Variants in PRKCZ observed in about 807,000 individuals in gnomAD.
PRKCZ encodes the protein protein kinase C zeta.
In PRKCZ, 33 loss-of-function variants were observed where a neutral mutation model predicts 79.5. That is an observed-to-expected ratio of 0.41 (90% CI 0.31 to 0.55). The LOEUF (loss-of-function observed/expected upper bound fraction) is 0.55. Among genes scored for constraint, PRKCZ ranks in the 20% least tolerant of loss-of-function variants. PRKCZ has a pLI of 0.19. For synonymous variants in PRKCZ, 342 were observed against 320.9 expected (o/e 1.07, Z -0.70); for missense variants, 578 against 813.5 (o/e 0.71, Z 3.52).
intron 4 of PRKCZ, among the ~76,000 whole-genome samples, chr1:2,086,723 C>G (rs1021830681): frequency 3.3e-5 from 5 of 152,222 alleles, no homozygotes; most frequent in Non-Finnish European, 4.4e-5. Flanking sequence ...ATTCGATGTG[C>G]AGTTCCCGCG....
At chr1:2,126,407 G>C (rs1452840141) in intron 4 of PRKCZ, among the ~76,000 whole-genome samples, 1 of 152,044 alleles carries the variant, frequency 6.6e-6, no homozygotes, top group African/African-American at 2.4e-5. Context: ...CCCCCATCAC[G>C]TGTCCAGAGG....
intron 4 of PRKCZ, among the ~76,000 whole-genome samples, chr1:2,091,812 G>A (rs1665552216): frequency 6.6e-6 from 1 of 152,208 alleles, no homozygotes; most frequent in African/African-American, 2.4e-5. Flanking sequence ...GAGCAGCAGG[G>A]GGCGTCCGAG....
At chr1:2,117,687 G>A (rs574208137) in intron 4 of PRKCZ, among the ~76,000 whole-genome samples, 8 of 152,256 alleles carry the variant, frequency 5.3e-5, no homozygotes, top group African/African-American at 1.7e-4. Context: ...TTTTTCCTTC[G>A]TAAATCCCCA....
intron 10 of PRKCZ, chr1:2,156,583 C>A: frequency 6.0e-6 from 1 of 167,726 alleles, no homozygotes; most frequent in Non-Finnish European, 1.3e-5. Context: ...TGCATTGAGT[C>A]CTCAAGACCA....
intron 4 of PRKCZ, among the ~76,000 whole-genome samples, chr1:2,098,769 C>A (rs1242190217): frequency 6.6e-6 from 1 of 152,144 alleles, no homozygotes; most frequent in Admixed American, 6.5e-5. Flanking sequence ...GCGAGCTCCA[C>A]CTCTCGGGTT....
chr1:2,055,335 GA>G, intron 1 of PRKCZ, 105 bp from the exon 2 acceptor site: 1 of 1,382,086 alleles, frequency 7.2e-7, no homozygotes, highest in Non-Finnish European at 9.7e-7. Context: ...TGTCTTTGGG[GA>G]AAGTTTCATT....
At chr1:2,158,825 C>G (rs955151443) in intron 10 of PRKCZ, among the ~76,000 whole-genome samples, 1 of 152,210 alleles carries the variant, frequency 6.6e-6, no homozygotes, top group African/African-American at 2.4e-5. Context: ...GAATTGTCGT[C>G]TGTGGGGTGT....
chr1:2,139,180 G>A (rs752452527), intron 5 of PRKCZ, among the ~76,000 whole-genome samples: 9 of 152,208 alleles, frequency 5.9e-5, no homozygotes, highest in Non-Finnish European at 1.0e-4. Flanking sequence ...CTGAGAACCG[G>A]TGTGAATGGT....
At chr1:2,070,801 G>A (rs542084454) in intron 4 of PRKCZ, among the ~76,000 whole-genome samples, 24 of 150,904 alleles carry the variant, frequency 1.6e-4, no homozygotes, top group Admixed American at 2.0e-4. Flanking sequence ...GACAGTCCTC[G>A]GCTGCGGGGG....
intron 10 of PRKCZ, among the ~76,000 whole-genome samples, chr1:2,163,301 G>A (rs1013788610): frequency 2.0e-5 from 3 of 152,230 alleles, no homozygotes; most frequent in African/African-American, 7.2e-5. Flanking sequence ...CAGGGGCTCT[G>A]CCTGCAGCCG....
chr1:2,079,353 G>A (rs1188660336), intron 4 of PRKCZ, among the ~76,000 whole-genome samples: 1 of 152,192 alleles, frequency 6.6e-6, no homozygotes, highest in Non-Finnish European at 1.5e-5. Context: ...CTTTGTTCTG[G>A]GTAAAGATTA....
intron 9 of PRKCZ, among the ~76,000 whole-genome samples, chr1:2,154,318 G>A (rs1680509121): frequency 6.6e-6 from 1 of 152,174 alleles, no homozygotes; most frequent in South Asian, 2.1e-4. Flanking sequence ...AGGCCGGGCT[G>A]GGAGCTCTCG....
chr1:2,115,284 T>A (rs1390863236), intron 4 of PRKCZ, among the ~76,000 whole-genome samples: 1 of 152,238 alleles, frequency 6.6e-6, no homozygotes, highest in East Asian at 1.9e-4. Flanking sequence ...TCCACCCTCA[T>A]CTTGCGAGGC....
chr1:2,161,791 G>A (rs567621232), intron 10 of PRKCZ, among the ~76,000 whole-genome samples: 2 of 152,072 alleles, frequency 1.3e-5, no homozygotes, highest in African/African-American at 2.4e-5. Flanking sequence ...ATGCCACTGC[G>A]CCCTGCATGG....
Position 2,172,439 on chromosome 1 carries a change from C to A in PRKCZ, c.1285+51C>A, listed in dbSNP as rs751598120. On this transcript the variant is annotated intron_variant, in intron 13 of 17. Coordinates refer to ENST00000378567, the MANE Select transcript of PRKCZ (RefSeq NM_002744.6). This position sits in a 1 kb window ranked among gnomAD's most constrained non-coding sequence, Gnocchi z 7.8. Reference sequence around the variant, plus strand: ...TCGGAGCACACAGGGCCAGAGATGGCTTCGGGCCTGGCCCAGCAGCCAGGG... The same window carrying A: ...TCGGAGCACACAGGGCCAGAGATGGATTCGGGCCTGGCCCAGCAGCCAGGG... 9.0e-6 allele frequency: 14 copies of A among 1,558,774 alleles called. No homozygotes were observed. In the South Asian group the frequency reaches 1.5e-4, roughly 17 times the overall value.
chr1:2,099,531 G>A (rs954649191), intron 4 of PRKCZ, among the ~76,000 whole-genome samples: 12 of 152,178 alleles, frequency 7.9e-5, no homozygotes, highest in African/African-American at 2.7e-4. Flanking sequence ...GGGGAAGGCC[G>A]TGGGGAGGAG....
intron 3 of PRKCZ, among the ~76,000 whole-genome samples, chr1:2,057,840 G>C (rs1437693565): frequency 6.6e-6 from 1 of 152,124 alleles, no homozygotes; most frequent in Non-Finnish European, 1.5e-5. Context: ...GAGTAGCTGG[G>C]ACTACAGGCA....
chr1:2,085,814 T>TG (rs1384013390), intron 4 of PRKCZ, among the ~76,000 whole-genome samples: 2 of 151,954 alleles, frequency 1.3e-5, no homozygotes, highest in African/African-American at 2.4e-5. Context: ...GCTGAGGATA[T>TG]GGGGGGCCCG....
rs1395698748 is a variant in PRKCZ, at chr1:2,082,454, T to A, written c.334+22863T>A. On this transcript the variant is annotated intron_variant, in intron 4 of 17. Coordinates refer to ENST00000378567, the MANE Select transcript of PRKCZ (RefSeq NM_002744.6). This position sits in a 1 kb window ranked among gnomAD's most constrained non-coding sequence, Gnocchi z 4.4. ...TTGAGTTTGCATGGAGACTGTAATT[T>A]CATTCTGTGAGTGTAAGATCACGTC... 1 of 455,828 alleles carries A rather than the reference T, an allele frequency of 2.2e-6. No individual in the cohort carries two copies. The highest frequency in any genetic ancestry group is 6.9e-5 in the East Asian group (1 of 14,392). 28.2% of individuals were successfully genotyped at this position (455,828 alleles called of 1,614,324 possible).
Sources: allele counts gnomAD v4.1 joint callset (sites outside exome capture counted in the v4.1 genomes callset), GRCh38; gene constraint gnomAD v4.1.1; non-coding constraint Gnocchi (gnomAD v3.1); transcripts MANE v1.5; gene names NCBI Gene and HGNC (gene_info 2026-07-23, HGNC 2026-07-21).